PHF20L1: variants seen among roughly 807,000 people sequenced by gnomAD.
PHF20L1 encodes the protein PHD finger protein 20-like protein 1.
Under a neutral mutation model 125.5 loss-of-function variants are expected in PHF20L1, and 44 were observed. That is an observed-to-expected ratio of 0.35 (90% CI 0.28 to 0.45). PHF20L1 has a LOEUF of 0.45. PHF20L1 is among the 20% of genes least tolerant of loss of function. The pLI, the probability that PHF20L1 is intolerant of heterozygous loss-of-function variation, is 1.00. For synonymous variants in PHF20L1, 380 were observed against 403.1 expected (o/e 0.94, Z 0.69); for missense variants, 1,012 against 1,217.2 (o/e 0.83, Z 2.51).
intron 12 of PHF20L1, among the ~76,000 whole-genome samples, chr8:132,820,681 G>A (rs1383697014): frequency 6.6e-6 from 1 of 151,900 alleles, no homozygotes; most frequent in African/African-American, 2.4e-5. Flanking sequence ...GATGATGTCT[G>A]TGGTCACTTT....
intron 12 of PHF20L1, among the ~76,000 whole-genome samples, chr8:132,819,430 C>T (rs1007954947): frequency 6.6e-6 from 1 of 151,746 alleles, no homozygotes; most frequent in African/African-American, 2.4e-5. Flanking sequence ...TCATTTGTTT[C>T]TGTGACCTCT....
chr8:132,791,770 C>T (rs1831738708), intron 2 of PHF20L1, among the ~76,000 whole-genome samples: 1 of 152,058 alleles, frequency 6.6e-6, no homozygotes, highest in Non-Finnish European at 1.5e-5. Context: ...AATTCTTGGC[C>T]TTCATCCCAA....
Position 132,817,560 on chromosome 8 carries a change from AT to A in PHF20L1, c.1579+16del. On this transcript the variant is annotated intron_variant, in intron 12 of 20. Transcript: ENST00000395386. ...AGCAGCAGCAGGTAAAAGAAAAAAA[AT>A]AAAGGCTCCTATAAGTAGATAAGTA... is the stretch of plus-strand genomic sequence containing the variant. 4 of 1,582,738 alleles carry A rather than the reference AT, an allele frequency of 2.5e-6. No homozygotes were observed. Among genetic ancestry groups the A allele is most frequent in the Non-Finnish European group, 3.4e-6 (4 of 1,161,534 alleles).
chr8:132,833,076 T>A (rs1836949783), intron 15 of PHF20L1, among the ~76,000 whole-genome samples: 1 of 152,086 alleles, frequency 6.6e-6, no homozygotes, highest in Admixed American at 6.6e-5. Context: ...GGCACAGAGA[T>A]CCCAGCTGTA....
chr8:132,825,656 A>G (rs1836093805), intron 14 of PHF20L1, among the ~76,000 whole-genome samples: 1 of 152,022 alleles, frequency 6.6e-6, no homozygotes, highest in Non-Finnish European at 1.5e-5. Flanking sequence ...ACCCTTTAGC[A>G]TGCTCAAGTA....
At chr8:132,794,373 G>A (rs1180331860) in intron 2 of PHF20L1, 37 bp from the exon 3 acceptor site, 1 of 1,327,808 alleles carries the variant, frequency 7.5e-7, no homozygotes, top group Non-Finnish European at 1.1e-6. Context: ...ACAAATATAA[G>A]GATTTTCTCT....
rs1832137341 is a variant in PHF20L1, at chr8:132,794,320, G to A, written c.84-90G>A. ...TATTGTTTTCTTCATGGTTTTAATG[G>A]TAAGCAACATTCAGCTAAATCTATG... On this transcript the variant is annotated intron_variant, in intron 2 of 20. Transcript: ENST00000395386. 3 of 735,532 alleles carry A rather than the reference G, an allele frequency of 4.1e-6. No homozygotes were observed. The Admixed American group carries it at 8.0e-5, about 20-fold the overall frequency. The allele number at this position is 735,532 out of a possible 1,614,324, so 45.6% of individuals were successfully genotyped here.
At chr8:132,794,890 TAGTG>T in intron 4 of PHF20L1, 73 bp downstream of exon 4, 2 of 910,642 alleles carry the variant, frequency 2.2e-6, no homozygotes, top group Non-Finnish European at 3.5e-6. Context: ...AAATTTTAAT[TAGTG>T]TGTGTTATGT....
chr8:132,839,362 G>T, intron 17 of PHF20L1, 25 bp from the exon 18 acceptor site: 1 of 1,579,666 alleles, frequency 6.3e-7, no homozygotes, highest in Non-Finnish European at 8.7e-7. Context: ...AGTCCTCTGT[G>T]ATTTAATATC....
intron 2 of PHF20L1, among the ~76,000 whole-genome samples, chr8:132,779,788 G>A (rs890221608): frequency 5.3e-5 from 8 of 152,190 alleles, no homozygotes; most frequent in African/African-American, 1.9e-4. Flanking sequence ...AACCATGCTT[G>A]AATGTACTTT....
chr8:132,847,375 T>C lies in PHF20L1; in HGVS notation c.*1452T>C, dbSNP rs566325200. The C allele has an allele frequency of 6.5e-6, 1 of 152,718 alleles. No homozygotes were observed. The highest frequency in any genetic ancestry group is 6.5e-5 in the Admixed American group (1 of 15,298). The allele number at this position is 152,718 out of a possible 1,614,324, so 9.5% of individuals were successfully genotyped here. A position where few individuals can be genotyped will look rare whatever the true frequency, so the allele number is the denominator to read the frequency against. ...GTTAAGAGGAGGCTATTTGATGACA[T>C]AACACTTGAATATTTTATGCCTCAT... On this transcript the variant is annotated 3_prime_UTR_variant, in exon 21 of 21. Transcript: ENST00000395386.
intron 10 of PHF20L1, chr8:132,815,657 C>T (rs1208128534): frequency 6.6e-6 from 1 of 151,774 alleles, no homozygotes; most frequent in Non-Finnish European, 1.5e-5. Flanking sequence ...TTTCCTTATT[C>T]CATATTGTGT....
chr8:132,827,829 G>T (rs1390004594), intron 14 of PHF20L1, among the ~76,000 whole-genome samples: 1 of 151,946 alleles, frequency 6.6e-6, no homozygotes, highest in African/African-American at 2.4e-5. Context: ...TTTGAAATCA[G>T]GCTTACAAAT....
intron 14 of PHF20L1, among the ~76,000 whole-genome samples, chr8:132,829,385 G>C (rs539668916): frequency 6.2e-4 from 94 of 152,136 alleles, no homozygotes; most frequent in African/African-American, 2.2e-3. Flanking sequence ...TAAAATAAAT[G>C]GTAATTGATA....
intron 10 of PHF20L1, chr8:132,815,104 T>C (rs956299986): frequency 5.0e-6 from 2 of 398,896 alleles, no homozygotes. Flanking sequence ...CCTTTCCATT[T>C]AATAACACAG....
chr8:132,782,733 C>T lies in PHF20L1; in HGVS notation c.83+4822C>T, dbSNP rs550967563. Reference sequence around the variant, plus strand: ...CCTCCCAAGTAGCTGGGACTACAGGCGTATGCCATAGTAACCTGCTGATTT... The same window carrying T: ...CCTCCCAAGTAGCTGGGACTACAGGTGTATGCCATAGTAACCTGCTGATTT... On this transcript the variant is annotated intron_variant, in intron 2 of 20. Transcript: ENST00000395386. Among the ~76,000 whole-genome samples the T allele has an allele frequency of 1.8e-4, 28 of 151,958 alleles. No individual in the cohort carries two copies. In the East Asian group the frequency reaches 5.2e-3, roughly 28 times the overall value.
intron 1 of PHF20L1, 21 bp from the exon 2 acceptor site, chr8:132,777,769 CTA>C: frequency 9.2e-7 from 1 of 1,086,278 alleles, no homozygotes; most frequent in Non-Finnish European, 1.4e-6. Flanking sequence ...GCATTGGAAT[CTA>C]ACTTTTTTCT....
chr8:132,778,000 G>T, intron 2 of PHF20L1, 89 bp downstream of exon 2: 2 of 795,744 alleles, frequency 2.5e-6, no homozygotes, highest in Non-Finnish European at 4.3e-6. Context: ...ACTGATGGTA[G>T]CAGAAACATC....
intron 18 of PHF20L1, among the ~76,000 whole-genome samples, chr8:132,841,142 C>T (rs944819869): frequency 6.6e-6 from 1 of 151,984 alleles, no homozygotes; most frequent in African/African-American, 2.4e-5. Context: ...GTTTCATATA[C>T]TTATAGGCCC....
Sources: gnomAD v4.1 joint callset for allele counts (sites outside exome capture counted in the v4.1 genomes callset) on GRCh38, gnomAD v4.1.1 for gene constraint, MANE v1.5 for transcripts, NCBI Gene and HGNC (gene_info 2026-07-23, HGNC 2026-07-21) for gene names.